SSBP3: variants seen among roughly 807,000 people sequenced by gnomAD.
SSBP3 encodes the protein single-stranded DNA-binding protein 3.
A neutral mutation model predicts 69.6 loss-of-function variants in SSBP3; 5 were observed. The ratio of observed to expected loss-of-function variants is 0.07; its 90% CI spans 0.04 to 0.15. The LOEUF is 0.15. Ranked by LOEUF, SSBP3 falls within the 10% of genes least tolerant of loss-of-function variation. The pLI, the probability that SSBP3 is intolerant of heterozygous loss-of-function variation, is 1.00. For synonymous variants in SSBP3, 196 were observed against 193.4 expected (o/e 1.01, Z -0.11); for missense variants, 312 against 534.0 (o/e 0.58, Z 4.10).
rs1557525279 is a variant in SSBP3, at chr1:54,316,662, AAATAAATAAATAAAT to A, written c.277-35150_277-35136del. On this transcript the variant is annotated intron_variant, in intron 4 of 17. Transcript: ENST00000610401. The stretch of plus-strand genomic sequence containing the variant: ...GACTCCGTCTCAAAAAAAAAAAATA[AAATAAATAAATAAAT>A]AAATAAATAAATAAATAAATAAATA... 5.1e-3 allele frequency among the ~76,000 whole-genome samples: 136 copies of A among 26,450 alleles called. 9 individuals are homozygous for A. In the Middle Eastern group the frequency reaches 0.054, roughly 10 times the overall value. The allele number at this position is 26,450 out of a possible 152,430, so 17.4% of individuals were successfully genotyped here.
At chr1:54,226,935 A>G (rs1644294284) in exon 18 of SSBP3, 3 of 611,684 alleles carry the variant, frequency 4.9e-6, no homozygotes, top group Non-Finnish European at 9.1e-6. Context: ...TTATGGAATA[A>G]AAAGTTTGGC....
rs1170938104 is a variant in SSBP3 at position 54,272,488 on chromosome 1, T to TAAAAA, written c.366+8945_366+8949dup. Among the ~76,000 whole-genome samples the TAAAAA allele has an allele frequency of 8.2e-3, 1,219 of 148,060 alleles. 18 individuals carry two copies. Among genetic ancestry groups the TAAAAA allele is most frequent in the Admixed American group, 0.034 (502 of 14,910 alleles). ...GGGCTAAGGAATTTGACCTTTTTTT[T>TAAAAA]AAAAAAAAAAAAAGGGAGAAAAACC... is the stretch of plus-strand genomic sequence containing the variant. On this transcript the variant is annotated intron_variant, in intron 5 of 17. Transcript: ENST00000610401.
At chr1:54,369,624 G>A (rs1471936841) in intron 4 of SSBP3, among the ~76,000 whole-genome samples, 1 of 152,138 alleles carries the variant, frequency 6.6e-6, no homozygotes, top group African/African-American at 2.4e-5. Flanking sequence ...GGCTATACAA[G>A]GGCAGATGCA....
intron 4 of SSBP3, among the ~76,000 whole-genome samples, chr1:54,349,253 A>G (rs1000044496): frequency 6.6e-6 from 1 of 152,234 alleles, no homozygotes; most frequent in African/African-American, 2.4e-5. Flanking sequence ...ACCATCCACC[A>G]GCATGTCAGC....
rs1220280931 is a variant in SSBP3, at chr1:54,233,571, C to T, written c.928-4745G>A. On this transcript the variant is annotated intron_variant, in intron 14 of 17. Coordinates refer to ENST00000610401, the Ensembl canonical transcript of SSBP3. ...AAGCCCCCCGCCCGGCCAGCCGCCC[C>T]GTCGGGGAGGGAGGTGGGGGGGTCA... is the stretch of plus-strand genomic sequence containing the variant. Among the ~76,000 whole-genome samples, 9 of 143,370 alleles carry T rather than the reference C, an allele frequency of 6.3e-5. No homozygotes were observed. In the South Asian group the frequency reaches 6.6e-4, roughly 10 times the overall value. 94.1% of individuals were successfully genotyped at this position (143,370 alleles called of 152,430 possible). A position where few individuals can be genotyped will look rare whatever the true frequency, so the allele number is the denominator to read the frequency against.
At chr1:54,313,081 T>C (rs1354535442) in intron 4 of SSBP3, among the ~76,000 whole-genome samples, 3 of 145,096 alleles carry the variant, frequency 2.1e-5, no homozygotes, top group Non-Finnish European at 4.5e-5. Flanking sequence ...CAAACAAGCA[T>C]CTGGGGTCGT....
Position 54,258,653 on chromosome 1 carries a change from C to T in SSBP3, c.367-504G>A, listed in dbSNP as rs1644965021. On this transcript the variant is annotated intron_variant, in intron 5 of 17. Coordinates refer to ENST00000610401, the Ensembl canonical transcript of SSBP3. The surrounding 1 kb of genome is among the most constrained non-coding windows in gnomAD (Gnocchi z 4.5). ...ATGGGTGACTCGAGGCAGTACTGATCAAGTGTCAGGGAGAGGCCCAGGCGA... is the reference window on the plus strand; with the variant it reads ...ATGGGTGACTCGAGGCAGTACTGATTAAGTGTCAGGGAGAGGCCCAGGCGA... Among the ~76,000 whole-genome samples the T allele has an allele frequency of 1.3e-5, 2 of 152,100 alleles. No individual in the cohort carries two copies. The highest frequency in any genetic ancestry group is 4.1e-4 in the South Asian group (2 of 4,820).
intron 13 of SSBP3, 23 bp downstream of exon 13, chr1:54,240,882 A>C (rs756491215): frequency 4.5e-5 from 72 of 1,611,060 alleles, no homozygotes; most frequent in Middle Eastern, 1.7e-4. Flanking sequence ...CAGACCCCCC[A>C]CTTTCCCCTC....
intron 4 of SSBP3, among the ~76,000 whole-genome samples, chr1:54,316,072 C>T (rs188635639): frequency 0.011 from 1,655 of 151,696 alleles, 35 homozygotes; most frequent in African/African-American, 0.038. Context: ...TAACTGGGCG[C>T]GGTGGCTCAC....
At chr1:54,305,339 C>T (rs1429546628) in intron 4 of SSBP3, among the ~76,000 whole-genome samples, 2 of 151,522 alleles carry the variant, frequency 1.3e-5, no homozygotes, top group African/African-American at 2.4e-5. Context: ...CCTAGCACAC[C>T]GGCCAGCACA....
intron 4 of SSBP3, among the ~76,000 whole-genome samples, chr1:54,311,356 G>A (rs1485631774): frequency 2.0e-5 from 3 of 152,130 alleles, no homozygotes. Flanking sequence ...CAGTGTGGAG[G>A]GTCTGTCATG....
intron 4 of SSBP3, among the ~76,000 whole-genome samples, chr1:54,307,695 C>T (rs989352847): frequency 6.6e-5 from 10 of 152,098 alleles, no homozygotes; most frequent in Admixed American, 4.6e-4. Context: ...GTAAAGAAGC[C>T]GGCCAAAACC....
upstream of SSBP3, among the ~76,000 whole-genome samples, chr1:54,407,647 T>C (rs555970719): frequency 3.9e-5 from 6 of 152,158 alleles, no homozygotes; most frequent in East Asian, 1.2e-3. Flanking sequence ...CTGTCGGCAC[T>C]GTCTCTTTAA....
chr1:54,238,279 T>C (rs1644535674), intron 14 of SSBP3: 2 of 470,968 alleles, frequency 4.2e-6, no homozygotes, highest in African/African-American at 4.0e-5. Flanking sequence ...CAAAAGGCCC[T>C]ACCCCCTCAA....
In SSBP3 at chr1:54,404,987, G is replaced by A. The variant is rs1022607948; in HGVS notation, c.57-57C>T. The A allele has an allele frequency of 4.7e-6, 7 of 1,486,946 alleles. No homozygotes were observed. In the East Asian group the frequency reaches 1.1e-4, roughly 24 times the overall value. 92.1% of individuals were successfully genotyped at this position (1,486,946 alleles called of 1,614,324 possible). On this transcript the variant is annotated intron_variant, in intron 1 of 17. Transcript: ENST00000610401. Reference sequence around the variant, plus strand: ...GGGAAAGGCGTCAGATCCCACCGGCGCTCTCCAGGACCTTGCCAGCAGGCT... The same window carrying A: ...GGGAAAGGCGTCAGATCCCACCGGCACTCTCCAGGACCTTGCCAGCAGGCT...
intron 9 of SSBP3, among the ~76,000 whole-genome samples, chr1:54,243,581 C>A (rs962782602): frequency 1.3e-5 from 2 of 152,226 alleles, no homozygotes; most frequent in Admixed American, 6.5e-5. Context: ...CAAGCCGCTG[C>A]CCTCTCTGGG....
exon 18 of SSBP3, chr1:54,225,540 C>T (rs1644272679): frequency 3.7e-6 from 3 of 800,108 alleles, no homozygotes; most frequent in Non-Finnish European, 3.3e-6. Flanking sequence ...AACCAGACTA[C>T]AAGGTAAGAA....
At chr1:54,374,411 G>A (rs1450257185) in intron 4 of SSBP3, among the ~76,000 whole-genome samples, 1 of 152,172 alleles carries the variant, frequency 6.6e-6, no homozygotes, top group East Asian at 1.9e-4. Context: ...AGCCCCAAAA[G>A]GGCATCACAC....
At chr1:54,304,264 C>T (rs1645857373) in intron 4 of SSBP3, among the ~76,000 whole-genome samples, 1 of 152,176 alleles carries the variant, frequency 6.6e-6, no homozygotes, top group Admixed American at 6.5e-5. Context: ...GGCGGCGAGG[C>T]TGTTTACCAT....
Sources: gnomAD v4.1 joint callset for allele counts (sites outside exome capture counted in the v4.1 genomes callset) on GRCh38, gnomAD v4.1.1 for gene constraint, Gnocchi (gnomAD v3.1) non-coding constraint, MANE v1.5 for transcripts, NCBI Gene and HGNC (gene_info 2026-07-23, HGNC 2026-07-21) for gene names.